Variants in CRISPLD2 observed in about 807,000 individuals in gnomAD.
CRISPLD2 encodes the protein cysteine-rich secretory protein LCCL domain-containing 2.
A neutral mutation model predicts 71.1 loss-of-function variants in CRISPLD2; 47 were observed. That is an observed-to-expected ratio of 0.66 (90% CI 0.52 to 0.84). The LOEUF is 0.84. Among genes scored for constraint, CRISPLD2 ranks in the 40% least tolerant of loss-of-function variants. The probability of loss-of-function intolerance (pLI) is 0.00; values close to 1 mark genes in which losing one functional copy is unlikely to be tolerated. For missense variants in CRISPLD2, 830 were observed against 651.1 expected (o/e 1.27, Z -2.99); for synonymous variants, 317 against 250.1 (o/e 1.27, Z -2.52).
At chr16:84,888,897 A>T (rs1302017496) in intron 13 of CRISPLD2, among the ~76,000 whole-genome samples, 6 of 152,124 alleles carry the variant, frequency 3.9e-5, no homozygotes, top group Admixed American at 2.6e-4. Flanking sequence ...AGCCGATGCT[A>T]CCTCATTTGT....
intron 14 of CRISPLD2, 25 bp from the exon 15 acceptor site, chr16:84,906,563 G>A (rs111968904): frequency 3.7e-5 from 59 of 1,611,728 alleles, no homozygotes; most frequent in African/African-American, 1.3e-4. Context: ...TCTCAGTAAC[G>A]GGCCCTCTTT....
chr16:84,868,809 T>G (rs756402664), intron 7 of CRISPLD2, 42 bp from the exon 8 acceptor site: 1 of 1,545,762 alleles, frequency 6.5e-7, no homozygotes, highest in South Asian at 1.1e-5. Flanking sequence ...CTCACCCTCC[T>G]GGTTTCGTGC....
chr16:84,846,993 C>T (rs1178848545), intron 3 of CRISPLD2, among the ~76,000 whole-genome samples: 1 of 152,232 alleles, frequency 6.6e-6, no homozygotes. Context: ...TGACCACGCC[C>T]AGGATAACAA....
intron 3 of CRISPLD2, among the ~76,000 whole-genome samples, chr16:84,846,476 A>G (rs1391906473): frequency 1.3e-5 from 2 of 151,846 alleles, no homozygotes; most frequent in South Asian, 2.1e-4. Context: ...GTGGTCTCGA[A>G]CTCCTGGCCT....
intron 13 of CRISPLD2, among the ~76,000 whole-genome samples, chr16:84,882,281 T>C (rs2646104): frequency 0.64 from 91,057 of 141,846 alleles, 28,678 homozygotes; most frequent in East Asian, 0.87. Context: ...GCACAGAAGA[T>C]ACAATTTACA....
At chr16:84,831,110 A>C (rs1916477476) in intron 1 of CRISPLD2, among the ~76,000 whole-genome samples, 1 of 152,114 alleles carries the variant, frequency 6.6e-6, no homozygotes, top group Admixed American at 6.5e-5. Context: ...CTGGGTGGGG[A>C]GCCCAGGGCC....
At chr16:84,846,627 G>A (rs965990995) in intron 3 of CRISPLD2, among the ~76,000 whole-genome samples, 18 of 152,136 alleles carry the variant, frequency 1.2e-4, no homozygotes, top group Non-Finnish European at 2.5e-4. Flanking sequence ...GAACTGCTCT[G>A]TTCATGGTGG....
intron 13 of CRISPLD2, among the ~76,000 whole-genome samples, chr16:84,882,368 A>AG (rs752909509): frequency 0.13 from 14,901 of 117,842 alleles, 558 homozygotes; most frequent in Admixed American, 0.17. Flanking sequence ...AAAAAAAAAA[A>AG]AAAGCAAGAA....
chr16:84,838,392 C>G, intron 1 of CRISPLD2, 30 bp from the exon 2 acceptor site: 1 of 1,440,184 alleles, frequency 6.9e-7, no homozygotes, highest in Non-Finnish European at 9.4e-7. Context: ...ACTAATGCGA[C>G]TTCTCCCACC....
intron 14 of CRISPLD2, among the ~76,000 whole-genome samples, chr16:84,898,532 C>G (rs2071726286): frequency 1.3e-5 from 2 of 152,208 alleles, no homozygotes; most frequent in African/African-American, 4.8e-5. Flanking sequence ...GAAATGGCCC[C>G]TCCCTAGGCA....
At chr16:84,827,931 C>T (rs1436694076) in intron 1 of CRISPLD2, among the ~76,000 whole-genome samples, 1 of 152,128 alleles carries the variant, frequency 6.6e-6, no homozygotes, top group African/African-American at 2.4e-5. Context: ...AGTGGTTCTG[C>T]CCCCCTCCTC....
Position 84,839,167 on chromosome 16 carries a change from A to T in CRISPLD2, c.240+432A>T, listed in dbSNP as rs1035471582. Reference sequence around the variant, plus strand: ...CTCTCAAAGTGCTAGGATTATAGGCATGAGTCACCCTGTCTGGCTCTGGCT... The same window carrying T: ...CTCTCAAAGTGCTAGGATTATAGGCTTGAGTCACCCTGTCTGGCTCTGGCT... On this transcript the variant is annotated intron_variant, in intron 2 of 14. Coordinates refer to ENST00000262424, the MANE Select transcript of CRISPLD2 (RefSeq NM_031476.4). 2.5e-5 allele frequency: 9 copies of T among 353,284 alleles called. No individual in the cohort carries two copies. The Admixed American group carries it at 3.5e-4, about 14-fold the overall frequency. The allele number at this position is 353,284 out of a possible 1,614,324, so 21.9% of individuals were successfully genotyped here.
At chr16:84,868,970 T>C in intron 8 of CRISPLD2, 59 bp downstream of exon 8, 1 of 1,451,378 alleles carries the variant, frequency 6.9e-7, no homozygotes, top group African/African-American at 1.4e-5. Flanking sequence ...TGGGCTGTCC[T>C]ACCACTGTGG....
At chr16:84,853,014 C>T (rs938498405) in intron 5 of CRISPLD2, among the ~76,000 whole-genome samples, 1 of 152,140 alleles carries the variant, frequency 6.6e-6, no homozygotes, top group African/African-American at 2.4e-5. Flanking sequence ...CTGCAGTGAG[C>T]TGTGGTCACA....
intron 1 of CRISPLD2, among the ~76,000 whole-genome samples, chr16:84,825,303 C>G (rs1916324877): frequency 1.3e-5 from 2 of 152,278 alleles, no homozygotes; most frequent in South Asian, 4.1e-4. Context: ...TGGCTCATGC[C>G]TGTAACCTTA....
At chr16:84,844,869 G>A (rs1916870059) in intron 2 of CRISPLD2, among the ~76,000 whole-genome samples, 1 of 152,148 alleles carries the variant, frequency 6.6e-6, no homozygotes, top group South Asian at 2.1e-4. Flanking sequence ...CATCTTGTAG[G>A]CTTCCCCTCC....
In CRISPLD2 at chr16:84,824,428, G is replaced by A. The variant is rs539903359; in HGVS notation, c.-75+4295G>A. 8.5e-5 allele frequency among the ~76,000 whole-genome samples: 13 copies of A among 152,324 alleles called. 1 individual carries two copies. The South Asian group carries it at 2.7e-3, about 32-fold the overall frequency. On this transcript the variant is annotated intron_variant, in intron 1 of 14. Transcript: ENST00000262424. ...GCCAATACCTAGGGGTCCCCAAGGT[G>A]ACTGAGCACGGGCACAGATCCAGCA...
At chr16:84,854,990 C>T (rs1190229524) in intron 6 of CRISPLD2, among the ~76,000 whole-genome samples, 161 bp downstream of exon 6, 5 of 152,202 alleles carry the variant, frequency 3.3e-5, no homozygotes, top group Admixed American at 2.6e-4. Flanking sequence ...ATGAGCTGAG[C>T]CTCATCTCCA....
chr16:84,862,065 A>G (rs1050883643), intron 6 of CRISPLD2, among the ~76,000 whole-genome samples: 1 of 151,768 alleles, frequency 6.6e-6, no homozygotes, highest in Non-Finnish European at 1.5e-5. Context: ...TTGACCCTTT[A>G]CTCCTGTGTC....
Sources: gnomAD v4.1 joint callset for allele counts (sites outside exome capture counted in the v4.1 genomes callset) on GRCh38, gnomAD v4.1.1 for gene constraint, MANE v1.5 for transcripts, NCBI Gene and HGNC (gene_info 2026-07-23, HGNC 2026-07-21) for gene names.